Variants in AARS2 observed in about 807,000 individuals in gnomAD.
AARS2 encodes the protein alanyl-tRNA synthetase 2, mitochondrial.
Under a neutral mutation model 119.7 loss-of-function variants are expected in AARS2, and 78 were observed. That is an observed-to-expected ratio of 0.65 (90% CI 0.54 to 0.79). The LOEUF (loss-of-function observed/expected upper bound fraction) is 0.79, where lower values mean the gene tolerates loss of function less well. Ranked by LOEUF, AARS2 falls within the 30% of genes least tolerant of loss-of-function variation. AARS2 has a pLI of 0.00. For missense variants in AARS2, 1,157 were observed against 1,291.3 expected (o/e 0.90, Z 1.59); for synonymous variants, 502 against 526.3 (o/e 0.95, Z 0.63).
At position 44,307,568 on chromosome 6, in the gene AARS2, C is replaced by T; in HGVS notation, c.895-174G>A. ...AGATGAGCACAAGCCAGGCCCTGCC[C>T]TCACGGGGCTCATATTTGGTGCTAC... On this transcript the variant is annotated intron_variant, in intron 5 of 21. Transcript: ENST00000244571. The surrounding 1 kb of genome is among the most constrained non-coding windows in gnomAD (Gnocchi z 4.4). 1 of 739,902 alleles carries T rather than the reference C, an allele frequency of 1.4e-6. No homozygotes were observed. Among genetic ancestry groups the T allele is most frequent in the Non-Finnish European group, 2.2e-6 (1 of 454,646 alleles). 45.8% of individuals were successfully genotyped at this position (739,902 alleles called of 1,614,324 possible). A position where few individuals can be genotyped will look rare whatever the true frequency, so the allele number is the denominator to read the frequency against.
intron 1 of AARS2, 71 bp downstream of exon 1, chr6:44,313,010 C>T (rs1583062370): frequency 5.0e-6 from 8 of 1,599,136 alleles, no homozygotes; most frequent in African/African-American, 2.7e-5. Flanking sequence ...TTCTTTTGCC[C>T]AATCCTGCAG....
chr6:44,311,953 C>T (rs1057185279), intron 2 of AARS2, 119 bp downstream of exon 2: 20 of 1,237,088 alleles, frequency 1.6e-5, no homozygotes, highest in East Asian at 4.6e-5. Context: ...CCTGTTACAC[C>T]GGCTCAACTA....
rs1223525590 is a variant in AARS2, at chr6:44,300,785, G to A, written c.2794-74C>T. On this transcript the variant is annotated intron_variant, in intron 21 of 21. Transcript: ENST00000244571. ...CAGCATCCACTCAAGGTACCCTCAAGAGTGGAGCTGAAGGTCATCAGTGCC... is the reference window on the plus strand; with the variant it reads ...CAGCATCCACTCAAGGTACCCTCAAAAGTGGAGCTGAAGGTCATCAGTGCC... 9 of 1,555,446 alleles carry A rather than the reference G, an allele frequency of 5.8e-6. No individual in the cohort carries two copies. In the Admixed American group the frequency reaches 1.1e-4, roughly 18 times the overall value.
In AARS2 at chr6:44,302,103, T is replaced by C. The variant is rs1256910641; in HGVS notation, c.2555A>G (p.Gln852Arg). Residue 852 changes from glutamine to arginine, a missense_variant, in exon 19 of 22, where the codon CAG (glutamine) becomes CGG (arginine). Transcript: ENST00000244571. ...ACGGATGGCAGTGTTGGCACGCCGC[T>C]GCAGCATCTTCACTGTGGCCAGCAG... ...RELLATVKML[Q>R]RRANTAIRKL... 6.2e-7 allele frequency: 1 copy of C among 1,614,004 alleles called. No individual in the cohort carries two copies. The highest frequency in any genetic ancestry group is 8.5e-7 in the Non-Finnish European group (1 of 1,180,016).
Position 44,304,457 on chromosome 6 carries a change from A to G in AARS2, c.1829T>C (p.Leu610Pro). The G allele has an allele frequency of 6.2e-7, 1 of 1,614,174 alleles. No homozygotes were observed. Among genetic ancestry groups the G allele is most frequent in the Non-Finnish European group, 8.5e-7 (1 of 1,180,028 alleles). The change falls in exon 13 of 22, where the codon CTG (leucine) becomes CCG (proline). Residue 610 changes from leucine (L) to proline (P), a missense_variant. Leu to Pro is a moderately conservative substitution (Grantham distance 98). Coordinates refer to ENST00000244571, the MANE Select transcript of AARS2 (RefSeq NM_020745.4). ...ILHEAVAPEC[L>P]RLGDQVQLHV... is the part of the protein sequence containing the mutation. ...CAGCTGCACCTGGTCCCCTAACCGCAGGCACTCAGGGGCTACTGCCTCATG... is the reference window on the plus strand; with the variant it reads ...CAGCTGCACCTGGTCCCCTAACCGCGGGCACTCAGGGGCTACTGCCTCATG...
intron 1 of AARS2, among the ~76,000 whole-genome samples, 188 bp from the exon 2 acceptor site, chr6:44,312,451 G>A (rs1226783541): frequency 6.6e-6 from 1 of 152,202 alleles, no homozygotes; most frequent in East Asian, 1.9e-4. Context: ...TGTGTGGGGA[G>A]CAGAGAAGAG....
chr6:44,310,800 T>C (rs548328943), intron 4 of AARS2, among the ~76,000 whole-genome samples, 194 bp downstream of exon 4: 24 of 152,344 alleles, frequency 1.6e-4, no homozygotes, highest in African/African-American at 5.5e-4. Flanking sequence ...AGAATAGCAG[T>C]GACTTGTTTA....
chr6:44,301,063 G>GC, intron 21 of AARS2, 93 bp downstream of exon 21: 1 of 695,100 alleles, frequency 1.4e-6, no homozygotes, highest in Non-Finnish European at 2.3e-6. Flanking sequence ...CCCAGCCTTG[G>GC]CCCCTTTGGG....
At position 44,310,332 on chromosome 6, in the gene AARS2, G is replaced by A; in HGVS notation, c.861C>T (p.Asp287=). ...TGGCGTTGAGCAGCGGGGAAAAGAG[G>A]TCAGTGTCATAGGTGGAGTGTTTGC... is the stretch of plus-strand genomic sequence containing the variant. ...LQGKHSTYDT[D]LFSPLLNAIQ... is the part of the protein sequence containing the mutation. The change falls in exon 5 of 22, where the codon GAC becomes GAT. Residue 287 remains aspartate, a synonymous_variant. Transcript: ENST00000244571. 6.2e-7 allele frequency: 1 copy of A among 1,611,256 alleles called. No individual in the cohort carries two copies. The highest frequency in any genetic ancestry group is 8.5e-7 in the Non-Finnish European group (1 of 1,178,740).
At position 44,307,124 on chromosome 6, in the gene AARS2, C is replaced by T. The variant is rs769369796; in HGVS notation, c.1041-93G>A. Reference sequence around the variant, plus strand: ...GGACGAGGTCCAGTGTGTGCTCCCACCTCAAAGCTCTCCCTCTCCCCATTC... The same window carrying T: ...GGACGAGGTCCAGTGTGTGCTCCCATCTCAAAGCTCTCCCTCTCCCCATTC... On this transcript the variant is annotated intron_variant, in intron 6 of 21. Coordinates refer to ENST00000244571, the MANE Select transcript of AARS2 (RefSeq NM_020745.4). The surrounding 1 kb of genome is among the most constrained non-coding windows in gnomAD (Gnocchi z 4.4). 16 of 1,588,110 alleles carry T rather than the reference C, an allele frequency of 1.0e-5. No homozygotes were observed. Among genetic ancestry groups the T allele is most frequent in the Non-Finnish European group, 1.4e-5 (16 of 1,162,102 alleles).
chr6:44,306,178 A>G, intron 9 of AARS2, 102 bp downstream of exon 9: 1 of 1,087,890 alleles, frequency 9.2e-7, no homozygotes, highest in East Asian at 2.4e-5. Context: ...GGAAGAGGTC[A>G]GGGGTGGATA....
rs1194673506 is a variant in AARS2 at position 44,299,717 on chromosome 6, G to T, written c.*830C>A. 2.0e-5 allele frequency: 3 copies of T among 152,198 alleles called. No individual in the cohort carries two copies. Among genetic ancestry groups the T allele is most frequent in the Non-Finnish European group, 4.4e-5 (3 of 68,036 alleles). 9.4% of individuals were successfully genotyped at this position (152,198 alleles called of 1,614,324 possible). ...AAATTAGAGGTCATTGTTAATGAAA[G>T]AAGTAATAGCAAAGAAGGTCTCCAG... On this transcript the variant is annotated 3_prime_UTR_variant, in exon 22 of 22. Transcript: ENST00000244571.
At position 44,311,070 on chromosome 6, in the gene AARS2, G is replaced by A. The variant is rs200704447; in HGVS notation, c.673C>T (p.His225Tyr). Reference sequence around the variant, plus strand: ...CCCACCCCACCAGCAAGGTCGTAGTGGATCTCAGTACAGGGCCCACAAGGG... The same window carrying A: ...CCCACCCCACCAGCAAGGTCGTAGTAGATCTCAGTACAGGGCCCACAAGGG... ...TGPCGPCTEIHYDLAGGVGAP... is the reference protein window; with the variant it reads ...TGPCGPCTEIYYDLAGGVGAP... The change falls in exon 4 of 22, where the codon CAC (histidine) becomes TAC (tyrosine). Residue 225 changes from histidine (H) to tyrosine (Y), a missense_variant. Coordinates refer to ENST00000244571, the MANE Select transcript of AARS2 (RefSeq NM_020745.4). 185 of 1,613,946 alleles carry A rather than the reference G, an allele frequency of 1.1e-4. No homozygotes were observed. The highest frequency in any genetic ancestry group is 1.4e-4 in the Non-Finnish European group (169 of 1,180,044).
chr6:44,313,262 G>A lies in AARS2; in HGVS notation c.62C>T (p.Ala21Val), dbSNP rs1168464617. 3 of 1,596,720 alleles carry A rather than the reference G, an allele frequency of 1.9e-6. No individual in the cohort carries two copies. Among genetic ancestry groups the A allele is most frequent in the Middle Eastern group, 1.8e-4 (1 of 5,584 alleles). Residue 21 changes from alanine to valine, a missense_variant, in exon 1 of 22, where the codon GCA becomes GTA. Physicochemically the swap from Ala to Val is moderately conservative, Grantham distance 64. Coordinates refer to ENST00000244571, the MANE Select transcript of AARS2 (RefSeq NM_020745.4). ...RLRRAIRRSP[A>V]WRGLSHRPLS... ...CGGCCGATGGCTGAGGCCCCGCCAT[G>A]CGGGCGACCTTCGAATGGCCCGCCG...
Position 44,302,451 on chromosome 6 carries a change from C to G in AARS2, c.2427G>C (p.Leu809=). ...GTGCCTCCGCCACATCCCGGCTCCC[C>G]AGACTCAGCCGCTCAGTGGCCGCTT... The part of the protein sequence containing the change: ...EVKAATERLS[L]GSRDVAEALR... Residue 809 remains leucine (L), a synonymous_variant, in exon 18 of 22, where the codon CTG becomes CTC. Transcript: ENST00000244571. 6.2e-7 allele frequency: 1 copy of G among 1,614,166 alleles called. No individual in the cohort carries two copies. The highest frequency in any genetic ancestry group is 8.5e-7 in the Non-Finnish European group (1 of 1,180,022).
Position 44,312,243 on chromosome 6 carries a change from G to A in AARS2, c.264C>T (p.Gly88=), listed in dbSNP as rs888189061. 4 of 1,613,786 alleles carry A rather than the reference G, an allele frequency of 2.5e-6. No homozygotes were observed. Among genetic ancestry groups the A allele is most frequent in the East Asian group, 4.5e-5 (2 of 44,894 alleles). Residue 88 remains glycine (G), a synonymous_variant, in exon 2 of 22, where the codon GGC becomes GGT. Coordinates refer to ENST00000244571, the MANE Select transcript of AARS2 (RefSeq NM_020745.4). ...CCATCTCGCTTCGTGGATCCACGGTGCCCAGAAAGATTGGCTTGAACTGGA... is the reference window on the plus strand; with the variant it reads ...CCATCTCGCTTCGTGGATCCACGGTACCCAGAAAGATTGGCTTGAACTGGA... ...GMNQFKPIFL[G]TVDPRSEMAG... is the part of the protein sequence containing the mutation.
At chr6:44,304,978 C>G in intron 11 of AARS2, 76 bp downstream of exon 11, 1 of 1,612,644 alleles carries the variant, frequency 6.2e-7, no homozygotes, top group Non-Finnish European at 8.5e-7. Context: ...TAGGGGCTAG[C>G]AGCAACCATC....
In AARS2 at chr6:44,300,421, T is replaced by C; in HGVS notation, c.*126A>G. On this transcript the variant is annotated 3_prime_UTR_variant, in exon 22 of 22. Coordinates refer to ENST00000244571, the MANE Select transcript of AARS2 (RefSeq NM_020745.4). Reference sequence around the variant, plus strand: ...CACGTAGGCCCTGGCCCAGGTGATCTTCTTTGGCTCAGCTGCTTGGCCTCC... The same window carrying C: ...CACGTAGGCCCTGGCCCAGGTGATCCTCTTTGGCTCAGCTGCTTGGCCTCC... The C allele has an allele frequency of 7.1e-7, 1 of 1,408,870 alleles. No homozygotes were observed. Among genetic ancestry groups the C allele is most frequent in the Non-Finnish European group, 1.0e-6 (1 of 1,004,236 alleles). 87.3% of individuals were successfully genotyped at this position (1,408,870 alleles called of 1,614,324 possible). A position where few individuals can be genotyped will look rare whatever the true frequency, so the allele number is the denominator to read the frequency against.
chr6:44,304,175 G>C lies in AARS2; in HGVS notation c.2007+6C>G. On this transcript the variant is annotated splice_donor_region_variant and intron_variant, in intron 14 of 21. Coordinates refer to ENST00000244571, the MANE Select transcript of AARS2 (RefSeq NM_020745.4). ...CATGAAGCCTGTCTTTCTATGCCGG[G>C]CTCACCTGGGTGGTCACATCCAAGC... The C allele has an allele frequency of 1.9e-6, 3 of 1,613,108 alleles. No individual in the cohort carries two copies. In the South Asian group the frequency reaches 3.3e-5, roughly 18 times the overall value.
Sources: gnomAD v4.1 joint callset for allele counts (sites outside exome capture counted in the v4.1 genomes callset) on GRCh38, gnomAD v4.1.1 for gene constraint, Gnocchi (gnomAD v3.1) non-coding constraint, MANE v1.5 for transcripts, NCBI Gene and HGNC (gene_info 2026-07-23, HGNC 2026-07-21) for gene names.